RIMBP2: variants seen among roughly 807,000 people sequenced by gnomAD.
The protein encoded by RIMBP2 is RIMS binding protein 2, also known as RIMS-binding protein 2.
Under a neutral mutation model 118.6 loss-of-function variants are expected in RIMBP2, and 48 were observed. The ratio of observed to expected loss-of-function variants is 0.40; its 90% CI spans 0.32 to 0.51. The LOEUF is 0.51. Among genes scored for constraint, RIMBP2 ranks in the 20% least tolerant of loss-of-function variants. The pLI is 0.41. For missense variants in RIMBP2, 1,551 were observed against 1,768.3 expected (o/e 0.88, Z 2.20); for synonymous variants, 762 against 742.9 (o/e 1.03, Z -0.42).
intron 1 of RIMBP2, among the ~76,000 whole-genome samples, chr12:130,656,132 G>C (rs2063417647): frequency 6.6e-6 from 1 of 152,240 alleles, no homozygotes; most frequent in Non-Finnish European, 1.5e-5. Flanking sequence ...AGAGGTTTCT[G>C]TGTGGGCCCC....
At chr12:130,512,215 A>G (rs2050983840) in intron 3 of RIMBP2, among the ~76,000 whole-genome samples, 1 of 152,078 alleles carries the variant, frequency 6.6e-6, no homozygotes. Flanking sequence ...CGTGCCAGGG[A>G]GTCTTGGTGG....
At position 130,604,825 on chromosome 12, in the gene RIMBP2, G is replaced by A. The variant is rs185835451; in HGVS notation, c.-217+23497C>T. On this transcript the variant is annotated intron_variant, in intron 2 of 22. Coordinates refer to ENST00000690449, the MANE Select transcript of RIMBP2 (RefSeq NM_001393629.1). ...TCTTGATCTCCTGACCTCGTGACCC[G>A]CCCACCTCGGCCTCCCAAAGTGCTG... Among the ~76,000 whole-genome samples, 46 of 141,478 alleles carry A rather than the reference G, an allele frequency of 3.3e-4. 1 individual carries two copies. Among genetic ancestry groups the A allele is most frequent in the Admixed American group, 1.8e-3 (25 of 13,532 alleles). The allele number at this position is 141,478 out of a possible 152,430, so 92.8% of individuals were successfully genotyped here.
intron 2 of RIMBP2, among the ~76,000 whole-genome samples, chr12:130,597,828 G>A (rs76232643): frequency 0.013 from 2,030 of 152,238 alleles, 54 homozygotes; most frequent in African/African-American, 0.046. Context: ...GATTGGACAC[G>A]AGACAAGGAT....
chr12:130,564,820 C>G (rs767006480), intron 2 of RIMBP2, among the ~76,000 whole-genome samples: 1 of 152,286 alleles, frequency 6.6e-6, no homozygotes, highest in South Asian at 2.1e-4. Flanking sequence ...CCTGAGCCTA[C>G]AGTTAATAAG....
chr12:130,545,283 C>T (rs1037166554), intron 2 of RIMBP2, among the ~76,000 whole-genome samples: 2 of 152,276 alleles, frequency 1.3e-5, no homozygotes, highest in Admixed American at 1.3e-4. Flanking sequence ...AGGCAGCGGC[C>T]GCTGGTGACC....
intron 2 of RIMBP2, among the ~76,000 whole-genome samples, chr12:130,550,916 G>C (rs763859914): frequency 2.6e-5 from 4 of 152,202 alleles, no homozygotes; most frequent in Non-Finnish European, 5.9e-5. Flanking sequence ...TAATCATGAA[G>C]TTACTGAGAT....
chr12:130,400,779 A>G (rs559017376), intron 21 of RIMBP2, among the ~76,000 whole-genome samples: 7 of 152,218 alleles, frequency 4.6e-5, no homozygotes, highest in Non-Finnish European at 1.0e-4. Flanking sequence ...AAAAAACCCA[A>G]TTAAAGACAT....
chr12:130,456,142 C>G lies in RIMBP2; in HGVS notation c.358+354G>C, dbSNP rs1193716020. Among the ~76,000 whole-genome samples, 4 of 152,340 alleles carry G rather than the reference C, an allele frequency of 2.6e-5. No homozygotes were observed. In the South Asian group the frequency reaches 8.3e-4, roughly 32 times the overall value. On this transcript the variant is annotated intron_variant, in intron 7 of 22. Coordinates refer to ENST00000690449, the MANE Select transcript of RIMBP2 (RefSeq NM_001393629.1). Reference sequence around the variant, plus strand: ...CCCAGCCAAGAAATCCTTGTGGAGTCGTTGCCAGTGCAGACTCTGCAGCCA... The same window carrying G: ...CCCAGCCAAGAAATCCTTGTGGAGTGGTTGCCAGTGCAGACTCTGCAGCCA...
chr12:130,708,999 T>C (rs1488782592), intron 1 of RIMBP2, among the ~76,000 whole-genome samples: 1 of 152,200 alleles, frequency 6.6e-6, no homozygotes, highest in African/African-American at 2.4e-5. Flanking sequence ...ATCTGTAAAA[T>C]GGGTCTACAT....
intron 1 of RIMBP2, among the ~76,000 whole-genome samples, chr12:130,637,893 T>C (rs2062423107): frequency 6.6e-6 from 1 of 152,202 alleles, no homozygotes. Flanking sequence ...AAGATAATAT[T>C]CTGGTTGGTA....
intron 1 of RIMBP2, among the ~76,000 whole-genome samples, chr12:130,664,465 A>ATG (rs74201804): frequency 8.2e-6 from 1 of 122,634 alleles, no homozygotes; most frequent in Non-Finnish European, 1.8e-5. Context: ...ATGCACGCAC[A>ATG]CACACGCACG....
chr12:130,432,515 C>T (rs985805655), intron 14 of RIMBP2, among the ~76,000 whole-genome samples: 1 of 152,132 alleles, frequency 6.6e-6, no homozygotes, highest in Non-Finnish European at 1.5e-5. Context: ...CCTTAACCCC[C>T]AGTGTGACTT....
rs1044476702 is a variant in RIMBP2, at chr12:130,407,655, A to G, written c.3693+71T>C. ...TGAGGAGGTGAACACACGTGGCCTC[A>G]GTGTGGTGTACCACGAGGGAAGGGA... On this transcript the variant is annotated intron_variant, in intron 20 of 22. Transcript: ENST00000690449. 3 of 1,198,626 alleles carry G rather than the reference A, an allele frequency of 2.5e-6. No individual in the cohort carries two copies. The African/African-American group carries it at 4.5e-5, about 18-fold the overall frequency. 74.2% of individuals were successfully genotyped at this position (1,198,626 alleles called of 1,614,324 possible).
intron 1 of RIMBP2, among the ~76,000 whole-genome samples, chr12:130,709,456 G>A (rs1949739075): frequency 6.6e-6 from 1 of 152,256 alleles, no homozygotes; most frequent in Non-Finnish European, 1.5e-5. Context: ...AGCCTGCGGG[G>A]CAGCTCCAGG....
In RIMBP2 at chr12:130,710,310, A is replaced by G. The variant is rs1192586668; in HGVS notation, c.-352+5912T>C. Reference sequence around the variant, plus strand: ...CTCCTCCCTGAGACCCTCCCAGATCATCCAGGTGCGGCCCCTGACATCAGC... The same window carrying G: ...CTCCTCCCTGAGACCCTCCCAGATCGTCCAGGTGCGGCCCCTGACATCAGC... On this transcript the variant is annotated intron_variant, in intron 1 of 22. Transcript: ENST00000690449. This position sits in a 1 kb window ranked among gnomAD's most constrained non-coding sequence, Gnocchi z 4.3. Among the ~76,000 whole-genome samples, 1 of 151,974 alleles carries G rather than the reference A, an allele frequency of 6.6e-6. No individual in the cohort carries two copies. Among genetic ancestry groups the G allele is most frequent in the Non-Finnish European group, 1.5e-5 (1 of 67,974 alleles).
At chr12:130,516,482 A>T (rs1219694481) in intron 3 of RIMBP2, among the ~76,000 whole-genome samples, 1 of 152,254 alleles carries the variant, frequency 6.6e-6, no homozygotes, top group African/African-American at 2.4e-5. Context: ...ATAGACTAAG[A>T]TAGCAAGAAA....
chr12:130,712,593 T>C, intron 1 of RIMBP2, among the ~76,000 whole-genome samples: 1 of 152,208 alleles, frequency 6.6e-6, no homozygotes, highest in Non-Finnish European at 1.5e-5. Context: ...GGATCCCTCC[T>C]GAAGGACCTG....
chr12:130,610,443 C>A (rs1172572126), intron 2 of RIMBP2, among the ~76,000 whole-genome samples: 5 of 151,726 alleles, frequency 3.3e-5, no homozygotes, highest in African/African-American at 4.8e-5. Flanking sequence ...TTAATAAACA[C>A]TTATCTCTTT....
chr12:130,402,790 T>G (rs1046545890), intron 21 of RIMBP2, among the ~76,000 whole-genome samples: 1 of 152,222 alleles, frequency 6.6e-6, no homozygotes, highest in African/African-American at 2.4e-5. Context: ...GTTTGCACAC[T>G]CCTCTGGATT....
Sources: gnomAD v4.1 joint callset for allele counts (sites outside exome capture counted in the v4.1 genomes callset) on GRCh38, gnomAD v4.1.1 for gene constraint, Gnocchi (gnomAD v3.1) non-coding constraint, MANE v1.5 for transcripts, NCBI Gene and HGNC (gene_info 2026-07-23, HGNC 2026-07-21) for gene names.